Variants in PTPN4 observed in about 807,000 individuals in gnomAD.
PTPN4 encodes the protein protein tyrosine phosphatase non-receptor type 4.
In PTPN4, 49 loss-of-function variants were observed where a neutral mutation model predicts 135.5. That is an observed-to-expected ratio of 0.36 (90% confidence interval 0.29 to 0.46). PTPN4 has a LOEUF of 0.46. PTPN4 is among the 20% of genes least tolerant of loss of function. PTPN4 has a pLI of 1.00. For synonymous variants in PTPN4, 333 were observed against 369.9 expected (o/e 0.90, Z 1.14); for missense variants, 860 against 1,101.0 (o/e 0.78, Z 3.10).
Position 119,981,239 on chromosome 2 carries a change from C to A in PTPN4, c.*4169C>A, listed in dbSNP as rs1431833264. 6.6e-6 allele frequency: 1 copy of A among 152,002 alleles called. No homozygotes were observed. Among genetic ancestry groups the A allele is most frequent in the Non-Finnish European group, 1.5e-5 (1 of 67,940 alleles). 9.4% of individuals were successfully genotyped at this position (152,002 alleles called of 1,614,324 possible). On this transcript the variant is annotated 3_prime_UTR_variant, in exon 27 of 27. Coordinates refer to ENST00000263708, the MANE Select transcript of PTPN4 (RefSeq NM_002830.4). Reference sequence around the variant, plus strand: ...TAAATATTTGTTGGAATAAAAATCTCAATGTAATAGGACATAGATAAATTA... The same window carrying A: ...TAAATATTTGTTGGAATAAAAATCTAAATGTAATAGGACATAGATAAATTA...
intron 23 of PTPN4, among the ~76,000 whole-genome samples, chr2:119,961,216 A>G (rs200568636): frequency 1.5e-4 from 2 of 13,764 alleles, no homozygotes; most frequent in Non-Finnish European, 4.2e-4. Flanking sequence ...TCTAACGTAT[A>G]TACAGAACTC....
intron 2 of PTPN4, among the ~76,000 whole-genome samples, chr2:119,821,411 A>G (rs1328102743): frequency 6.6e-6 from 1 of 151,980 alleles, no homozygotes; most frequent in Non-Finnish European, 1.5e-5. Context: ...TTAGTGTATC[A>G]GTTTGGTTTC....
At chr2:119,823,522 C>T (rs545710693) in intron 2 of PTPN4, among the ~76,000 whole-genome samples, 4 of 152,266 alleles carry the variant, frequency 2.6e-5, no homozygotes, top group South Asian at 2.1e-4. Context: ...CGTGAGCCAC[C>T]GTGCCCAGCC....
chr2:119,883,813 A>G (rs1220434573), intron 8 of PTPN4, among the ~76,000 whole-genome samples: 2 of 152,230 alleles, frequency 1.3e-5, no homozygotes, highest in Non-Finnish European at 2.9e-5. Flanking sequence ...TACATAGCAC[A>G]TTGTAGGCAC....
chr2:119,934,890 C>A lies in PTPN4; in HGVS notation c.1287C>A (p.Ser429Arg). ...ACCATATGGTTCATACTTCCCCAAG[C>A]GAAGTGTTTGTAAATCAGAGATCTC... ...LVDHMVHTSP[S>R]EVFVNQRSPS... Residue 429 changes from serine (S) to arginine (R), a missense_variant, in exon 15 of 27, where the codon AGC (serine) becomes AGA (arginine). Physicochemically the swap from Ser to Arg is moderately radical, Grantham distance 110. This residue lies in a region of PTPN4 where 684 missense variants were observed against 807.0 expected (regional missense o/e 0.85). Transcript: ENST00000263708. 2 of 1,613,292 alleles carry A rather than the reference C, an allele frequency of 1.2e-6. No homozygotes were observed. Among genetic ancestry groups the A allele is most frequent in the Non-Finnish European group, 1.7e-6 (2 of 1,179,292 alleles).
intron 1 of PTPN4, among the ~76,000 whole-genome samples, chr2:119,775,284 G>A (rs996331181): frequency 6.6e-6 from 1 of 151,880 alleles, no homozygotes; most frequent in African/African-American, 2.4e-5. Context: ...GATGGGATAA[G>A]GTAAATACCA....
chr2:119,950,124 TG>T (rs1366654412), intron 18 of PTPN4, among the ~76,000 whole-genome samples: 1 of 152,202 alleles, frequency 6.6e-6, no homozygotes, highest in Admixed American at 6.5e-5. Context: ...TCTTTTTTTC[TG>T]CCAACTACAC....
At position 119,960,945 on chromosome 2, in the gene PTPN4, C is replaced by T. The variant is rs370860064; in HGVS notation, c.2272C>T (p.Arg758Cys). ...MVVMLTTQVE[R>C]GRVKCHQYWP... ...TGTAATGTTGACCACACAAGTTGAA[C>T]GTGGCAGAGTAAGTCATAGTTGAAT... The change falls in exon 23 of 27, where the codon CGT becomes TGT. Residue 758 changes from arginine (R) to cysteine (C), a missense_variant. By Grantham distance (180) the Arg-to-Cys change is radical. Coordinates refer to ENST00000263708, the MANE Select transcript of PTPN4 (RefSeq NM_002830.4). 18 of 1,611,882 alleles carry T rather than the reference C, an allele frequency of 1.1e-5. No individual in the cohort carries two copies. Among genetic ancestry groups the T allele is most frequent in the South Asian group, 6.6e-5 (6 of 90,396 alleles).
At chr2:119,921,911 A>G (rs111581152) in intron 12 of PTPN4, among the ~76,000 whole-genome samples, 1 of 152,202 alleles carries the variant, frequency 6.6e-6, no homozygotes, top group African/African-American at 2.4e-5. Context: ...CCTCTGTTCA[A>G]ATTCTTTTTT....
chr2:119,807,041 A>G (rs1691484162), intron 1 of PTPN4, among the ~76,000 whole-genome samples: 1 of 152,182 alleles, frequency 6.6e-6, no homozygotes, highest in East Asian at 1.9e-4. Flanking sequence ...GAGAACAAAG[A>G]CACAACGTAC....
chr2:119,931,665 C>T (rs1678909113), intron 13 of PTPN4, among the ~76,000 whole-genome samples: 1 of 151,900 alleles, frequency 6.6e-6, no homozygotes, highest in African/African-American at 2.4e-5. Flanking sequence ...GTCTTGAATT[C>T]CTAAGTTCCA....
intron 17 of PTPN4, 42 bp downstream of exon 17, chr2:119,946,466 TG>T: frequency 1.3e-6 from 2 of 1,587,476 alleles, no homozygotes; most frequent in South Asian, 2.3e-5. Flanking sequence ...TAAATTAAGA[TG>T]TTCTTATTTT....
chr2:119,846,105 A>G (rs1677495209), intron 2 of PTPN4, among the ~76,000 whole-genome samples: 1 of 152,148 alleles, frequency 6.6e-6, no homozygotes, highest in Non-Finnish European at 1.5e-5. Context: ...TTCATGGCCT[A>G]CCATATGGTT....
chr2:119,788,925 G>A (rs1163674054), intron 1 of PTPN4, among the ~76,000 whole-genome samples: 1 of 152,086 alleles, frequency 6.6e-6, no homozygotes, highest in African/African-American at 2.4e-5. Context: ...GTTATTTTGG[G>A]TATATAAGCA....
chr2:119,980,745 A>G lies in PTPN4; in HGVS notation c.*3675A>G, dbSNP rs1387906222. ...GGCTTAAGAAGTGATTCTAATTAGG[A>G]CCCCCACTCAGTTTGCTAGTCATGC... On this transcript the variant is annotated 3_prime_UTR_variant, in exon 27 of 27. Coordinates refer to ENST00000263708, the MANE Select transcript of PTPN4 (RefSeq NM_002830.4). 1 of 151,620 alleles carries G rather than the reference A, an allele frequency of 6.6e-6. No homozygotes were observed. Among genetic ancestry groups the G allele is most frequent in the Non-Finnish European group, 1.5e-5 (1 of 67,824 alleles). The allele number at this position is 151,620 out of a possible 1,614,324, so 9.4% of individuals were successfully genotyped here. A position where few individuals can be genotyped will look rare whatever the true frequency, so the allele number is the denominator to read the frequency against.
chr2:119,881,899 A>T, intron 6 of PTPN4, 69 bp downstream of exon 6: 1 of 1,269,404 alleles, frequency 7.9e-7, no homozygotes. Flanking sequence ...AATCTGTGTT[A>T]AGTAATTCAT....
At chr2:119,766,127 C>G (rs965396265) in intron 1 of PTPN4, among the ~76,000 whole-genome samples, 1 of 152,088 alleles carries the variant, frequency 6.6e-6, no homozygotes, top group East Asian at 1.9e-4. Flanking sequence ...GATCCCCCTC[C>G]CCACCCTGCC....
At chr2:119,936,706 C>T (rs1678989536) in intron 15 of PTPN4, among the ~76,000 whole-genome samples, 1 of 152,124 alleles carries the variant, frequency 6.6e-6, no homozygotes, top group African/African-American at 2.4e-5. Flanking sequence ...ATACATTTGC[C>T]ATCTCAAAAC....
At chr2:119,917,775 A>C (rs1182304812) in intron 11 of PTPN4, among the ~76,000 whole-genome samples, 1 of 152,074 alleles carries the variant, frequency 6.6e-6, no homozygotes, top group African/African-American at 2.4e-5. Flanking sequence ...ATACAGGCAT[A>C]CTCTGCAAAA....
Sources: gnomAD v4.1 joint callset for allele counts (sites outside exome capture counted in the v4.1 genomes callset) on GRCh38, gnomAD v4.1.1 for gene constraint, gnomAD v4.1.1 regional missense constraint, MANE v1.5 for transcripts, NCBI Gene and HGNC (gene_info 2026-07-23, HGNC 2026-07-21) for gene names.